Variants in FBXO25 observed in about 807,000 individuals in gnomAD.
FBXO25 encodes F-box protein 25.
In FBXO25, 45 loss-of-function variants were observed where a neutral mutation model predicts 51.9. That is an observed-to-expected ratio of 0.87 (90% confidence interval 0.68 to 1.11). The LOEUF (loss-of-function observed/expected upper bound fraction) is 1.11. Ranked by LOEUF, FBXO25 falls within the 50% of genes most tolerant of loss-of-function variation. The pLI, the probability that FBXO25 is intolerant of heterozygous loss-of-function variation, is 0.00. For missense variants in FBXO25, 507 were observed against 428.5 expected, an observed-to-expected ratio of 1.18 and a Z score of -1.62; for synonymous variants, 199 against 151.0, an observed-to-expected ratio of 1.32 and a Z score of -2.33.
intron 8 of FBXO25, among the ~76,000 whole-genome samples, chr8:460,259 C>T (rs898934873): frequency 5.3e-5 from 8 of 152,128 alleles, no homozygotes; most frequent in African/African-American, 1.9e-4. Context: ...TTTCTGTGGT[C>T]ATTGCCATTC....
At chr8:430,123 C>A (rs148907801) in intron 2 of FBXO25, among the ~76,000 whole-genome samples, 10 of 152,324 alleles carry the variant, frequency 6.6e-5, no homozygotes, top group African/African-American at 2.4e-4. Context: ...GTCTTTATTT[C>A]TGCGACAGTA....
At chr8:444,213 G>C (rs1362714266) in intron 5 of FBXO25, among the ~76,000 whole-genome samples, 1 of 152,212 alleles carries the variant, frequency 6.6e-6, no homozygotes, top group African/African-American at 2.4e-5. Context: ...AAGTTGATTT[G>C]GTCTGCCCAG....
intron 5 of FBXO25, among the ~76,000 whole-genome samples, chr8:447,629 G>C (rs1257992858): frequency 6.6e-6 from 1 of 152,132 alleles, no homozygotes; most frequent in Non-Finnish European, 1.5e-5. Flanking sequence ...TTCAGATTTT[G>C]TAATATTTAC....
intron 8 of FBXO25, among the ~76,000 whole-genome samples, chr8:462,105 T>G (rs1799854814): frequency 6.6e-6 from 1 of 152,196 alleles, no homozygotes; most frequent in South Asian, 2.1e-4. Flanking sequence ...CCATTTCACA[T>G]TCCCCCAGCA....
intron 2 of FBXO25, among the ~76,000 whole-genome samples, chr8:425,263 T>C (rs1413684273): frequency 2.0e-5 from 3 of 152,152 alleles, no homozygotes; most frequent in African/African-American, 7.2e-5. Context: ...CTAGACACTA[T>C]AGTTTAGTGT....
At chr8:408,930 A>G (rs1796328702) in intron 1 of FBXO25, among the ~76,000 whole-genome samples, 1 of 152,206 alleles carries the variant, frequency 6.6e-6, no homozygotes, top group Non-Finnish European at 1.5e-5. Flanking sequence ...AGTAATTTCT[A>G]GTTTTTTTGT....
At chr8:465,903 G>T (rs898140684) in intron 9 of FBXO25, among the ~76,000 whole-genome samples, 1 of 152,040 alleles carries the variant, frequency 6.6e-6, no homozygotes, top group Non-Finnish European at 1.5e-5. Flanking sequence ...AAAAGAATTT[G>T]CTTTGCCATT....
intron 2 of FBXO25, among the ~76,000 whole-genome samples, chr8:421,539 G>C (rs368231797): frequency 2.4e-4 from 36 of 152,348 alleles, no homozygotes; most frequent in African/African-American, 8.4e-4. Context: ...AGAAAGGATG[G>C]TGCTAGAGTT....
At chr8:437,794 A>G (rs1035250799) in intron 5 of FBXO25, among the ~76,000 whole-genome samples, 2 of 147,940 alleles carry the variant, frequency 1.4e-5, no homozygotes, top group East Asian at 4.0e-4. Flanking sequence ...CTGTGCAGGT[A>G]TTTGGTATTT....
Position 458,521 on chromosome 8 carries a change from G to T in FBXO25, c.813G>T (p.Lys271Asn). The stretch of plus-strand genomic sequence containing the variant: ...GTGAAGACAGACAGCTGTGGAAGAA[G>T]CTTTGTCAGTACCATTTTGCTGAAA... Reference protein sequence around the residue: ...MLSEDRQLWKKLCQYHFAEKQ... With the variant: ...MLSEDRQLWKNLCQYHFAEKQ... The change falls in exon 8 of 10, where the codon AAG becomes AAT. Residue 271 changes from lysine to asparagine, a missense_variant. Lys to Asn is a moderately conservative substitution (Grantham distance 94). Transcript: ENST00000350302. The T allele has an allele frequency of 6.2e-7, 1 of 1,614,156 alleles. No homozygotes were observed.
chr8:468,806 G>A lies in FBXO25; in HGVS notation c.*2G>A. ...TTCATCGACCTCTTCAAGTTTTAAGGGCTGCCCCTGCCATCCCTATTGGAG... is the reference window on the plus strand; with the variant it reads ...TTCATCGACCTCTTCAAGTTTTAAGAGCTGCCCCTGCCATCCCTATTGGAG... On this transcript the variant is annotated 3_prime_UTR_variant, in exon 10 of 10. Transcript: ENST00000350302. The A allele has an allele frequency of 6.2e-7, 1 of 1,613,668 alleles. No homozygotes were observed. Among genetic ancestry groups the A allele is most frequent in the Non-Finnish European group, 8.5e-7 (1 of 1,179,848 alleles).
chr8:460,403 C>T (rs1451747200), intron 8 of FBXO25, among the ~76,000 whole-genome samples: 2 of 152,018 alleles, frequency 1.3e-5, no homozygotes, highest in East Asian at 1.9e-4. Context: ...AACACAGCAT[C>T]AGAAAATAAT....
intron 1 of FBXO25, among the ~76,000 whole-genome samples, chr8:411,820 T>A (rs1206939312): frequency 6.6e-6 from 1 of 152,162 alleles, no homozygotes; most frequent in Non-Finnish European, 1.5e-5. Context: ...TGTGACATTT[T>A]GAATCAGCAG....
intron 7 of FBXO25, among the ~76,000 whole-genome samples, chr8:453,237 G>A (rs763339460): frequency 1.3e-5 from 2 of 152,190 alleles, no homozygotes; most frequent in Admixed American, 6.5e-5. Context: ...GCCAGTTTTC[G>A]TCATGTCCAC....
At chr8:433,965 C>A (rs924917162) in intron 4 of FBXO25, among the ~76,000 whole-genome samples, 5 of 152,142 alleles carry the variant, frequency 3.3e-5, no homozygotes, top group Non-Finnish European at 7.3e-5. Flanking sequence ...ATTTAGTGCT[C>A]GTGAAAGACC....
intron 5 of FBXO25, among the ~76,000 whole-genome samples, chr8:448,932 T>C (rs1374035660): frequency 6.6e-6 from 1 of 152,312 alleles, no homozygotes; most frequent in East Asian, 1.9e-4. Context: ...TAGTACAAAA[T>C]AGTGCAAACA....
intron 2 of FBXO25, among the ~76,000 whole-genome samples, chr8:416,893 A>C (rs1307180125): frequency 1.3e-5 from 2 of 152,180 alleles, no homozygotes; most frequent in Non-Finnish European, 2.9e-5. Context: ...AGTAAGTGTG[A>C]TAGTATGTGG....
chr8:474,421 C>G lies in FBXO25; in HGVS notation c.*5617C>G, dbSNP rs1425863409. On this transcript the variant is annotated 3_prime_UTR_variant, in exon 10 of 10. Transcript: ENST00000350302. The stretch of plus-strand genomic sequence containing the variant: ...AACATGGGTGTGCAAATATCTGAGT[C>G]TCTGCTTTCAATCATATGGCAATCC... 7 of 285,096 alleles carry G rather than the reference C, an allele frequency of 2.5e-5. No homozygotes were observed. The highest frequency in any genetic ancestry group is 4.0e-5 in the Non-Finnish European group (6 of 148,462). 17.7% of individuals were successfully genotyped at this position (285,096 alleles called of 1,614,324 possible). A position where few individuals can be genotyped will look rare whatever the true frequency, so the allele number is the denominator to read the frequency against.
chr8:445,546 T>A (rs1476198083), intron 5 of FBXO25, among the ~76,000 whole-genome samples: 1 of 152,222 alleles, frequency 6.6e-6, no homozygotes, highest in South Asian at 2.1e-4. Flanking sequence ...AAAATATTTC[T>A]CCATTTATTT....
Sources: gnomAD v4.1 joint callset for allele counts (sites outside exome capture counted in the v4.1 genomes callset) on GRCh38, gnomAD v4.1.1 for gene constraint, MANE v1.5 for transcripts, NCBI Gene and HGNC (gene_info 2026-07-23, HGNC 2026-07-21) for gene names.